Variants in SLC4A5 observed in about 807,000 individuals in gnomAD.
SLC4A5 encodes the protein electrogenic sodium bicarbonate cotransporter 4.
Under a neutral mutation model 120.4 loss-of-function variants are expected in SLC4A5, and 96 were observed. The ratio of observed to expected loss-of-function variants is 0.80; its 90% CI spans 0.68 to 0.94. The LOEUF (loss-of-function observed/expected upper bound fraction) is 0.94, where lower values mean the gene tolerates loss of function less well. Ranked by LOEUF, SLC4A5 falls within the 40% of genes least tolerant of loss-of-function variation. SLC4A5 has a pLI of 0.00. For missense variants in SLC4A5, 1,259 were observed against 1,459.5 expected, an observed-to-expected ratio of 0.86 and a Z score of 2.24; for synonymous variants, 550 against 571.1, an observed-to-expected ratio of 0.96 and a Z score of 0.53.
chr2:74,311,379 A>G (rs1672800753), intron 6 of SLC4A5, among the ~76,000 whole-genome samples: 1 of 151,986 alleles, frequency 6.6e-6, no homozygotes, highest in African/African-American at 2.4e-5. Flanking sequence ...GTTTCCTAAT[A>G]TGGGAGCTTA....
At position 74,219,213 on chromosome 2, in the gene SLC4A5, G is replaced by T. The variant is rs868000780; in HGVS notation, c.*34-421C>A. ...TGTGTGTGTGTGTGTGTGTGTGTGT[G>T]TGTGTGTTTGTGTGTGTTTTCAAAT... is the stretch of plus-strand genomic sequence containing the variant. On this transcript the variant is annotated intron_variant, in intron 30 of 30. Coordinates refer to ENST00000394019, the Ensembl canonical transcript of SLC4A5. Among the ~76,000 whole-genome samples the T allele has an allele frequency of 3.6e-4, 39 of 107,766 alleles. 1 individual carries two copies. The highest frequency in any genetic ancestry group is 1.1e-3 in the South Asian group (4 of 3,774). The allele number at this position is 107,766 out of a possible 152,430, so 70.7% of individuals were successfully genotyped here.
chr2:74,221,689 A>G (rs1694652841), intron 29 of SLC4A5, among the ~76,000 whole-genome samples, 188 bp from the exon 30 acceptor site: 1 of 152,150 alleles, frequency 6.6e-6, no homozygotes, highest in Admixed American at 6.6e-5. Context: ...GTGCTCAGCC[A>G]GGGCTAGGGG....
intron 15 of SLC4A5, 109 bp downstream of exon 15, chr2:74,252,865 G>T: frequency 7.5e-7 from 1 of 1,335,782 alleles, no homozygotes; most frequent in Non-Finnish European, 1.1e-6. Context: ...TGAGATTACA[G>T]GCATGAGCCA....
intron 7 of SLC4A5, among the ~76,000 whole-genome samples, chr2:74,293,903 G>A (rs1672251149): frequency 6.6e-6 from 1 of 152,206 alleles, no homozygotes; most frequent in African/African-American, 2.4e-5. Context: ...AGAATGTTGA[G>A]TCACTGTCAT....
chr2:74,230,411 A>G (rs1670032465), intron 25 of SLC4A5, among the ~76,000 whole-genome samples: 1 of 152,128 alleles, frequency 6.6e-6, no homozygotes, highest in Non-Finnish European at 1.5e-5. Context: ...GTGGTGGGAC[A>G]TAAGCAAGAG....
chr2:74,295,219 G>T (rs191042497), intron 7 of SLC4A5, among the ~76,000 whole-genome samples: 1 of 152,002 alleles, frequency 6.6e-6, no homozygotes, highest in Admixed American at 6.6e-5. Context: ...GCAGTGATGG[G>T]GGGTGGGAGT....
At chr2:74,231,292 C>A in exon 25 of SLC4A5, 1 of 1,611,752 alleles carries the variant, frequency 6.2e-7, no homozygotes, top group Non-Finnish European at 8.5e-7. Context: ...ACGATGATGC[C>A]GGTTACTCTC....
intron 6 of SLC4A5, among the ~76,000 whole-genome samples, chr2:74,312,741 T>C (rs1672845723): frequency 6.6e-6 from 1 of 152,050 alleles, no homozygotes; most frequent in African/African-American, 2.4e-5. Flanking sequence ...AAGACCAGCT[T>C]GGCCAACATG....
At chr2:74,322,653 G>A (rs1408064243) in intron 5 of SLC4A5, among the ~76,000 whole-genome samples, 1 of 152,046 alleles carries the variant, frequency 6.6e-6, no homozygotes, top group Non-Finnish European at 1.5e-5. Context: ...GTACACATTT[G>A]AGGTATTTTA....
chr2:74,265,365 T>A, intron 8 of SLC4A5, 101 bp from the exon 9 acceptor site: 2 of 1,407,668 alleles, frequency 1.4e-6, no homozygotes, highest in Non-Finnish European at 1.9e-6. Flanking sequence ...TCATGCTATG[T>A]ATGTGGTTGT....
intron 7 of SLC4A5, among the ~76,000 whole-genome samples, chr2:74,287,100 G>C (rs371460228): frequency 6.6e-6 from 1 of 151,980 alleles, no homozygotes; most frequent in Non-Finnish European, 1.5e-5. Flanking sequence ...CTGTCTCCTG[G>C]GCCTCATCAG....
intron 8 of SLC4A5, among the ~76,000 whole-genome samples, chr2:74,270,539 G>A (rs1671440616): frequency 6.6e-6 from 1 of 152,208 alleles, no homozygotes; most frequent in Non-Finnish European, 1.5e-5. Flanking sequence ...CAGGCGTGGT[G>A]GCAGGCGCTT....
chr2:74,262,076 C>A, intron 11 of SLC4A5, 61 bp downstream of exon 11: 2 of 1,490,764 alleles, frequency 1.3e-6, no homozygotes, highest in South Asian at 1.2e-5. Flanking sequence ...GGCAATGTGG[C>A]CATGTCACAG....
chr2:74,245,534 G>A (rs1196807517), intron 19 of SLC4A5, among the ~76,000 whole-genome samples: 1 of 152,148 alleles, frequency 6.6e-6, no homozygotes, highest in Non-Finnish European at 1.5e-5. Flanking sequence ...CTGCCTGCAG[G>A]TAGGATCCCC....
chr2:74,229,455 C>T (rs1347911445), intron 25 of SLC4A5, among the ~76,000 whole-genome samples: 1 of 151,596 alleles, frequency 6.6e-6, no homozygotes, highest in Non-Finnish European at 1.5e-5. Flanking sequence ...CGGGTTTCAC[C>T]ATGTTGGCCA....
chr2:74,253,248 C>T lies in SLC4A5; in HGVS notation c.1114-120G>A, dbSNP rs980158184. 3 of 1,232,034 alleles carry T rather than the reference C, an allele frequency of 2.4e-6. No homozygotes were observed. In the African/African-American group the frequency reaches 4.6e-5, roughly 19 times the overall value. 76.3% of individuals were successfully genotyped at this position (1,232,034 alleles called of 1,614,324 possible). A position where few individuals can be genotyped will look rare whatever the true frequency, so the allele number is the denominator to read the frequency against. ...AACCACATCTCCCACTGCCAACTCA[C>T]TCTCAGTTTTTGGAATGAGACTATA... On this transcript the variant is annotated intron_variant, in intron 14 of 30. Coordinates refer to ENST00000394019, the Ensembl canonical transcript of SLC4A5.
Position 74,243,735 on chromosome 2 carries a change from T to C in SLC4A5, c.2060-1683A>G, listed in dbSNP as rs376149440. Among the ~76,000 whole-genome samples, 198 of 152,312 alleles carry C rather than the reference T, an allele frequency of 1.3e-3. 1 individual carries two copies. Among genetic ancestry groups the C allele is most frequent in the African/African-American group, 4.1e-3 (170 of 41,566 alleles). On this transcript the variant is annotated intron_variant, in intron 19 of 30. Transcript: ENST00000394019. ...CTGCTTATGCTTATCAATTCTTTTA[T>C]ATCGAGAACTCTGTAGGGTTTATCT...
At chr2:74,220,796 G>A (rs572011077) in intron 30 of SLC4A5, among the ~76,000 whole-genome samples, 7 of 148,150 alleles carry the variant, frequency 4.7e-5, no homozygotes, top group African/African-American at 7.5e-5. Flanking sequence ...GACTACAGGC[G>A]TGAGCCACCG....
exon 6 of SLC4A5, chr2:74,315,024 G>A (rs760150189): frequency 6.2e-7 from 1 of 1,612,800 alleles, no homozygotes; most frequent in Non-Finnish European, 8.5e-7. Context: ...TCACCTTCAT[G>A]ACTATAAAGT....
Sources: allele counts gnomAD v4.1 joint callset (sites outside exome capture counted in the v4.1 genomes callset), GRCh38; gene constraint gnomAD v4.1.1; transcripts MANE v1.5; gene names NCBI Gene and HGNC (gene_info 2026-07-23, HGNC 2026-07-21).